NT5DC1: variants seen among roughly 807,000 people sequenced by gnomAD.
NT5DC1 encodes the protein 5'-nucleotidase domain-containing protein 1.
NT5DC1 carries 42 observed loss-of-function variants against 59.4 expected under a neutral mutation model. The ratio of observed to expected loss-of-function variants is 0.71; its 90% CI spans 0.55 to 0.92. The LOEUF is 0.92. Ranked by LOEUF, NT5DC1 falls within the 40% of genes least tolerant of loss-of-function variation. The pLI is 0.00. For missense variants in NT5DC1, 501 were observed against 537.1 expected, an observed-to-expected ratio of 0.93 and a Z score of 0.66; for synonymous variants, 172 against 188.1, an observed-to-expected ratio of 0.91 and a Z score of 0.70.
chr6:116,129,011 G>A (rs1779395982), intron 6 of NT5DC1, among the ~76,000 whole-genome samples: 1 of 152,118 alleles, frequency 6.6e-6, no homozygotes, highest in Admixed American at 6.6e-5. Flanking sequence ...TCAACTCGCT[G>A]TCACTCAATT....
At position 116,110,706 on chromosome 6, in the gene NT5DC1, A is replaced by G. The variant is rs139005228; in HGVS notation, c.258-144A>G. On this transcript the variant is annotated intron_variant, in intron 3 of 11. Transcript: ENST00000319550. ...ACAGAAATGCTTTACAGAATCCTAA[A>G]CAGGGAGGCACCCAGTTGAAAACAG... 8.8e-4 allele frequency: 628 copies of G among 715,602 alleles called. 2 individuals are homozygous for G. In the African/African-American group the frequency reaches 9.9e-3, roughly 11 times the overall value. 44.3% of individuals were successfully genotyped at this position (715,602 alleles called of 1,614,324 possible).
chr6:116,242,234 G>A (rs1771752329), intron 11 of NT5DC1, among the ~76,000 whole-genome samples: 1 of 151,808 alleles, frequency 6.6e-6, no homozygotes, highest in Non-Finnish European at 1.5e-5. Context: ...AGCCGGGTAT[G>A]GTGGCGGGCG....
chr6:116,219,824 T>C lies in NT5DC1; in HGVS notation c.530-1230T>C, dbSNP rs536896140. On this transcript the variant is annotated intron_variant, in intron 6 of 11. Transcript: ENST00000319550. ...TAAAAATACAGAAGTTAGCTGGGCG[T>C]GGTGGCACACGCCTGTAGTCCCAGC... Among the ~76,000 whole-genome samples the C allele has an allele frequency of 2.0e-5, 3 of 151,928 alleles. No individual in the cohort carries two copies. In the East Asian group the frequency reaches 5.8e-4, roughly 29 times the overall value.
Position 116,110,957 on chromosome 6 carries a change from G to T in NT5DC1, c.364+1G>T, listed in dbSNP as rs1360591907. ...GACACTGGAATGGCTTGCCGCTCAG[G>T]TATGACTCAAATGAGGCAGCTCCAC... is the stretch of plus-strand genomic sequence containing the variant. On this transcript the variant is annotated splice_donor_variant, in intron 4 of 11. Transcript: ENST00000319550. LOFTEE classifies it high-confidence loss of function. 5 of 1,598,676 alleles carry T rather than the reference G, an allele frequency of 3.1e-6. No homozygotes were observed. Among genetic ancestry groups the T allele is most frequent in the Admixed American group, 1.7e-5 (1 of 59,976 alleles).
At chr6:116,167,785 T>G (rs1270656484) in intron 6 of NT5DC1, among the ~76,000 whole-genome samples, 1 of 152,182 alleles carries the variant, frequency 6.6e-6, no homozygotes, top group Admixed American at 6.5e-5. Context: ...CAAGTTGTTA[T>G]GAATAGATAT....
At chr6:116,236,046 A>T (rs1383788886) in intron 8 of NT5DC1, among the ~76,000 whole-genome samples, 1 of 152,236 alleles carries the variant, frequency 6.6e-6, no homozygotes, top group African/African-American at 2.4e-5. Context: ...CAACCTCTGT[A>T]TCCAGCATAG....
Position 116,193,325 on chromosome 6 carries a change from A to G in NT5DC1, c.530-27729A>G, listed in dbSNP as rs1781158989. On this transcript the variant is annotated intron_variant, in intron 6 of 11. Transcript: ENST00000319550. ...TGATAACAAAACCTATAAATAAAAA[A>G]TTAGGATGTTTTACTTTTAAACAAA... Among the ~76,000 whole-genome samples the G allele has an allele frequency of 2.0e-5, 3 of 152,102 alleles. No homozygotes were observed. The South Asian group carries it at 6.2e-4, about 31-fold the overall frequency.
At chr6:116,128,975 C>T (rs1469621758) in intron 6 of NT5DC1, among the ~76,000 whole-genome samples, 1 of 152,070 alleles carries the variant, frequency 6.6e-6, no homozygotes, top group Non-Finnish European at 1.5e-5. Context: ...CAATAAATGC[C>T]TATATGCCTG....
chr6:116,205,605 G>A (rs1781435795), intron 6 of NT5DC1, among the ~76,000 whole-genome samples: 1 of 151,576 alleles, frequency 6.6e-6, no homozygotes, highest in Non-Finnish European at 1.5e-5. Context: ...AAATTGGGGG[G>A]GAAAAAAGGC....
intron 6 of NT5DC1, among the ~76,000 whole-genome samples, chr6:116,195,186 A>G (rs1319369686): frequency 6.6e-6 from 1 of 152,112 alleles, no homozygotes; most frequent in Non-Finnish European, 1.5e-5. Flanking sequence ...TCTATAAAAT[A>G]AAACATACTG....
chr6:116,106,431 T>C (rs1778770440), intron 2 of NT5DC1, 96 bp downstream of exon 2: 1 of 663,908 alleles, frequency 1.5e-6, no homozygotes, highest in South Asian at 1.8e-5. Flanking sequence ...TCTAAGAAGA[T>C]GGAATGTGAA....
intron 6 of NT5DC1, among the ~76,000 whole-genome samples, chr6:116,213,293 T>G (rs1781618825): frequency 6.6e-6 from 1 of 152,096 alleles, no homozygotes; most frequent in Non-Finnish European, 1.5e-5. Flanking sequence ...TTGAAGCTTT[T>G]AGCTCAACAC....
At chr6:116,232,188 C>T (rs1204813) in intron 8 of NT5DC1, among the ~76,000 whole-genome samples, 3,375 of 152,240 alleles carry the variant, frequency 0.022, 136 homozygotes, top group African/African-American at 0.078. Flanking sequence ...CTGAGAGTCT[C>T]ATTTTAATTT....
chr6:116,143,810 C>G (rs141208274), intron 6 of NT5DC1, among the ~76,000 whole-genome samples: 1 of 152,150 alleles, frequency 6.6e-6, no homozygotes, highest in East Asian at 1.9e-4. Context: ...ATAATCAAAT[C>G]AAGAAAAATT....
chr6:116,226,067 T>G (rs1162790348), intron 8 of NT5DC1, among the ~76,000 whole-genome samples: 1 of 152,132 alleles, frequency 6.6e-6, no homozygotes, highest in East Asian at 1.9e-4. Flanking sequence ...TACAAAGAAA[T>G]AGGTTGATGT....
intron 6 of NT5DC1, among the ~76,000 whole-genome samples, chr6:116,204,143 G>A (rs1781399432): frequency 6.6e-6 from 1 of 151,904 alleles, no homozygotes; most frequent in Admixed American, 6.6e-5. Flanking sequence ...CTGTGAGCCT[G>A]AAGGCTTTTG....
chr6:116,238,773 A>G (rs1782173070), intron 10 of NT5DC1, among the ~76,000 whole-genome samples, 182 bp from the exon 11 acceptor site: 1 of 152,188 alleles, frequency 6.6e-6, no homozygotes, highest in African/African-American at 2.4e-5. Flanking sequence ...TGTGTTTAAA[A>G]TAAAGGATAC....
At chr6:116,221,354 ATTT>A (rs1237739347) in intron 7 of NT5DC1, 126 bp downstream of exon 7, 2 of 623,324 alleles carry the variant, frequency 3.2e-6, no homozygotes, top group East Asian at 5.2e-5. Context: ...TGACAAGTTG[ATTT>A]TTTTTCTCAT....
intron 6 of NT5DC1, among the ~76,000 whole-genome samples, chr6:116,199,779 TG>T (rs1781307672): frequency 6.6e-6 from 1 of 152,014 alleles, no homozygotes; most frequent in Non-Finnish European, 1.5e-5. Context: ...TAAAGTAGTA[TG>T]GAATTATAAC....
Sources: allele counts gnomAD v4.1 joint callset (sites outside exome capture counted in the v4.1 genomes callset), GRCh38; gene constraint gnomAD v4.1.1; transcripts MANE v1.5; gene names NCBI Gene and HGNC (gene_info 2026-07-23, HGNC 2026-07-21).